Variants in DYRK1A observed in about 807,000 individuals in gnomAD.
DYRK1A encodes dual specificity tyrosine-phosphorylation-regulated kinase 1A.
A neutral mutation model predicts 79.7 loss-of-function variants in DYRK1A; 9 were observed. The ratio of observed to expected loss-of-function variants is 0.11; its 90% CI spans 0.07 to 0.20. The LOEUF (loss-of-function observed/expected upper bound fraction) is 0.20. Ranked by LOEUF, DYRK1A falls within the 10% of genes least tolerant of loss-of-function variation. The pLI, the probability that DYRK1A is intolerant of heterozygous loss-of-function variation, is 1.00. For missense variants in DYRK1A, 622 were observed against 956.0 expected (o/e 0.65, Z 4.61); for synonymous variants, 349 against 329.7 (o/e 1.06, Z -0.63).
rs1057524491 is a variant in DYRK1A, at chr21:37,506,090, A to G, written c.1520-9A>G. On this transcript the variant is annotated splice_polypyrimidine_tract_variant and intron_variant, in intron 10 of 11. Transcript: ENST00000647188. Reference sequence around the variant, plus strand: ...CACAGTTGTATTGTTTTGTGTTGTGATATTTCAGGTGGCTCATCGGGGACA... The same window carrying G: ...CACAGTTGTATTGTTTTGTGTTGTGGTATTTCAGGTGGCTCATCGGGGACA... 1.2e-6 allele frequency: 2 copies of G among 1,606,910 alleles called. No homozygotes were observed. Among genetic ancestry groups the G allele is most frequent in the African/African-American group, 1.3e-5 (1 of 74,964 alleles).
intron 2 of DYRK1A, among the ~76,000 whole-genome samples, chr21:37,453,548 T>C (rs1438927310): frequency 6.6e-6 from 1 of 152,144 alleles, no homozygotes; most frequent in African/African-American, 2.4e-5. Flanking sequence ...ACGTGACTGA[T>C]GGAGGAAAGC....
At chr21:37,371,886 A>G (rs929270575) in intron 1 of DYRK1A, among the ~76,000 whole-genome samples, 1 of 152,068 alleles carries the variant, frequency 6.6e-6, no homozygotes, top group Non-Finnish European at 1.5e-5. Context: ...ATAACCCCCT[A>G]ATTTTTCTTG....
chr21:37,427,282 CTTTATT>C (rs2050653178), intron 2 of DYRK1A, among the ~76,000 whole-genome samples: 2 of 152,072 alleles, frequency 1.3e-5, no homozygotes, highest in African/African-American at 4.8e-5. Context: ...TGGCTAACTT[CTTTATT>C]TTTATTTCTG....
At chr21:37,490,619 A>G (rs1427974624) in intron 7 of DYRK1A, among the ~76,000 whole-genome samples, 158 bp downstream of exon 7, 1 of 149,826 alleles carries the variant, frequency 6.7e-6, no homozygotes, top group Non-Finnish European at 1.5e-5. Flanking sequence ...GCGCCAACCT[A>G]ATAGATATTT....
At chr21:37,381,156 A>T (rs1016497490) in intron 1 of DYRK1A, among the ~76,000 whole-genome samples, 2 of 152,212 alleles carry the variant, frequency 1.3e-5, no homozygotes, top group Non-Finnish European at 2.9e-5. Flanking sequence ...TTGTTGAATG[A>T]ATCAGTGAAC....
Position 37,496,150 on chromosome 21 carries a change from G to C in DYRK1A, c.1104G>C (p.Leu368=). Residue 368 remains leucine (L), a synonymous_variant, in exon 9 of 12, where the codon CTG becomes CTC. Transcript: ENST00000647188. ...VDQMNKIVEV[L]GIPPAHILDQ... is the part of the protein sequence containing the mutation. ...AGATGAATAAAATAGTGGAAGTTCT[G>C]GGTATTCCACCTGCTCATATTCTTG... The C allele has an allele frequency of 1.9e-6, 3 of 1,613,178 alleles. No homozygotes were observed. Among genetic ancestry groups the C allele is most frequent in the Non-Finnish European group, 2.5e-6 (3 of 1,179,728 alleles).
In DYRK1A at chr21:37,379,052, G is replaced by A. The variant is rs180955176; in HGVS notation, c.-77+11424G>A. ...ACAGAGTCATATCCCTGGAGCATCA[G>A]ATGAGGGAGAGAGGGAGGGAGAGTG... On this transcript the variant is annotated intron_variant, in intron 1 of 11. Coordinates refer to ENST00000647188, the MANE Select transcript of DYRK1A (RefSeq NM_001347721.2). Among the ~76,000 whole-genome samples, 15 of 152,300 alleles carry A rather than the reference G, an allele frequency of 9.8e-5. No individual in the cohort carries two copies. In the East Asian group the frequency reaches 2.9e-3, roughly 29 times the overall value.
In DYRK1A at chr21:37,367,360, C is replaced by T. The variant is rs2049329509; in HGVS notation, c.-345C>T. 1 of 148,848 alleles carries T rather than the reference C, an allele frequency of 6.7e-6. No individual in the cohort carries two copies. Among genetic ancestry groups the T allele is most frequent in the African/African-American group, 2.4e-5 (1 of 41,042 alleles). The allele number at this position is 148,848 out of a possible 1,614,324, so 9.2% of individuals were successfully genotyped here. A position where few individuals can be genotyped will look rare whatever the true frequency, so the allele number is the denominator to read the frequency against. On this transcript the variant is annotated 5_prime_UTR_variant, in exon 1 of 12. Transcript: ENST00000647188. The stretch of plus-strand genomic sequence containing the variant: ...ACGCCGCCCTCTGCGCCGGGCCGGC[C>T]GTGCGGCCCCGCCGCCTGGAATCGG...
intron 2 of DYRK1A, among the ~76,000 whole-genome samples, chr21:37,447,084 T>C (rs2051297311): frequency 2.0e-5 from 3 of 152,060 alleles, no homozygotes; most frequent in South Asian, 4.1e-4. Flanking sequence ...TAATAAATGC[T>C]CTACTCTCCT....
At chr21:37,495,244 T>G (rs1157585102) in intron 8 of DYRK1A, among the ~76,000 whole-genome samples, 1 of 151,098 alleles carries the variant, frequency 6.6e-6, no homozygotes, top group Admixed American at 6.6e-5. Flanking sequence ...GTGCCGTACC[T>G]CACGCCTGTA....
chr21:37,382,021 AG>A (rs1367477796), intron 1 of DYRK1A, among the ~76,000 whole-genome samples: 1 of 152,114 alleles, frequency 6.6e-6, no homozygotes, highest in Non-Finnish European at 1.5e-5. Flanking sequence ...AAGCTTATAA[AG>A]GGATATGTTT....
chr21:37,455,692 G>A (rs139878857), intron 2 of DYRK1A, among the ~76,000 whole-genome samples: 1 of 152,262 alleles, frequency 6.6e-6, no homozygotes, highest in African/African-American at 2.4e-5. Context: ...GGCTGGTGCA[G>A]TAAGCAACTG....
chr21:37,394,509 C>G lies in DYRK1A; in HGVS notation c.-76-25790C>G, dbSNP rs148909343. Among the ~76,000 whole-genome samples the G allele has an allele frequency of 2.8e-3, 433 of 152,212 alleles. 1 individual carries two copies. Among genetic ancestry groups the G allele is most frequent in the Non-Finnish European group, 3.9e-3 (265 of 68,014 alleles). On this transcript the variant is annotated intron_variant, in intron 1 of 11. Coordinates refer to ENST00000647188, the MANE Select transcript of DYRK1A (RefSeq NM_001347721.2). ...CACTGGGCCGTGGACCGGTACTGGT[C>G]TGTGGCCTGTTAGGAATTGGACTGC...
At chr21:37,377,022 T>C (rs1301195816) in intron 1 of DYRK1A, among the ~76,000 whole-genome samples, 1 of 151,980 alleles carries the variant, frequency 6.6e-6, no homozygotes, top group African/African-American at 2.4e-5. Flanking sequence ...CATAGACAGG[T>C]GTGTGTGTGT....
chr21:37,369,605 C>A lies in DYRK1A; in HGVS notation c.-77+1977C>A, dbSNP rs75197960. Reference sequence around the variant, plus strand: ...GTAAAAAGTTCTCTTGTAAAAAGTTCATTTTTACCTCGAGAGGCATAAGCT... The same window carrying A: ...GTAAAAAGTTCTCTTGTAAAAAGTTAATTTTTACCTCGAGAGGCATAAGCT... On this transcript the variant is annotated intron_variant, in intron 1 of 11. Coordinates refer to ENST00000647188, the MANE Select transcript of DYRK1A (RefSeq NM_001347721.2). Among the ~76,000 whole-genome samples, 1,056 of 152,300 alleles carry A rather than the reference C, an allele frequency of 6.9e-3. 49 individuals are homozygous for A. In the East Asian group the frequency reaches 0.13, roughly 18 times the overall value.
chr21:37,417,529 C>CTTTTTCTTTTTCTTTTTCTTTTTCT (rs1555959239), intron 1 of DYRK1A, among the ~76,000 whole-genome samples: 7 of 44,048 alleles, frequency 1.6e-4, no homozygotes, highest in East Asian at 2.6e-3. Context: ...TTTTCTTTTT[C>CTTTTTCTTTTTCTTTTTCTTTTTCT]TTTTTTTTTT....
At chr21:37,371,354 C>T (rs1296041122) in intron 1 of DYRK1A, among the ~76,000 whole-genome samples, 1 of 152,122 alleles carries the variant, frequency 6.6e-6, no homozygotes, top group African/African-American at 2.4e-5. Flanking sequence ...TATATGGAAA[C>T]AAAATGATTT....
chr21:37,493,169 TGATGTA>T lies in DYRK1A; in HGVS notation c.1071+7_1071+12del. 6.3e-7 allele frequency: 1 copy of T among 1,593,306 alleles called. No homozygotes were observed. Among genetic ancestry groups the T allele is most frequent in the Non-Finnish European group, 8.6e-7 (1 of 1,163,780 alleles). On this transcript the variant is annotated splice_region_variant and intron_variant, in intron 8 of 11. Coordinates refer to ENST00000647188, the MANE Select transcript of DYRK1A (RefSeq NM_001347721.2). ...TGTTCAGTGGTGCCAATGAGGTAAA[TGATGTA>T]TTGCTTTACAAATTCTGTTTTCATA...
In DYRK1A at chr21:37,515,459, G is replaced by A. The variant is rs1198507923; in HGVS notation, c.*2928G>A. 3 of 152,124 alleles carry A rather than the reference G, an allele frequency of 2.0e-5. No homozygotes were observed. The highest frequency in any genetic ancestry group is 2.9e-5 in the Non-Finnish European group (2 of 68,018). 9.4% of individuals were successfully genotyped at this position (152,124 alleles called of 1,614,324 possible). On this transcript the variant is annotated 3_prime_UTR_variant, in exon 12 of 12. Transcript: ENST00000647188. Reference sequence around the variant, plus strand: ...CAAAATGCTCATATTTTAGTTGGTAGCATTTCGACTGGATGTGAGGGTCTG... The same window carrying A: ...CAAAATGCTCATATTTTAGTTGGTAACATTTCGACTGGATGTGAGGGTCTG...
Sources: gnomAD v4.1 joint callset for allele counts (sites outside exome capture counted in the v4.1 genomes callset) on GRCh38, gnomAD v4.1.1 for gene constraint, MANE v1.5 for transcripts, NCBI Gene and HGNC (gene_info 2026-07-23, HGNC 2026-07-21) for gene names.